PCDH9: variants seen among roughly 807,000 people sequenced by gnomAD.
The protein encoded by PCDH9 is protocadherin 9, also known as protocadherin-9.
Under a neutral mutation model 70.6 loss-of-function variants are expected in PCDH9, and 24 were observed. That is an observed-to-expected ratio of 0.34 (90% CI 0.25 to 0.48). The LOEUF (loss-of-function observed/expected upper bound fraction) is 0.48, where lower values mean the gene tolerates loss of function less well. Among genes scored for constraint, PCDH9 ranks in the 20% least tolerant of loss-of-function variants. The pLI, the probability that PCDH9 is intolerant of heterozygous loss-of-function variation, is 0.99. For missense variants in PCDH9, 1,281 were observed against 1,503.6 expected, an observed-to-expected ratio of 0.85 and a Z score of 2.45; for synonymous variants, 562 against 558.5, an observed-to-expected ratio of 1.01 and a Z score of -0.09.
intron 2 of PCDH9, among the ~76,000 whole-genome samples, chr13:67,138,301 C>T (rs529697530): frequency 6.6e-6 from 1 of 152,238 alleles, no homozygotes; most frequent in African/African-American, 2.4e-5. Context: ...TTATCTAGCA[C>T]ACCATAAGCA....
intron 2 of PCDH9, among the ~76,000 whole-genome samples, chr13:66,922,935 T>G (rs891333000): frequency 6.6e-6 from 1 of 151,428 alleles, no homozygotes; most frequent in African/African-American, 2.4e-5. Flanking sequence ...CCAATACACT[T>G]TAGAAGTGTG....
At position 66,808,763 on chromosome 13, in the gene PCDH9, G is replaced by A. The variant is rs1413914179; in HGVS notation, c.3138+94741C>T. 2.0e-5 allele frequency among the ~76,000 whole-genome samples: 3 copies of A among 152,232 alleles called. No homozygotes were observed. The East Asian group carries it at 5.8e-4, about 29-fold the overall frequency. ...ATACTATTAGTCATTGTTACTTAAT[G>A]TGCAGACCCTAACCCAGTTGCCGCA... On this transcript the variant is annotated intron_variant, in intron 3 of 4. Coordinates refer to ENST00000377865, the MANE Select transcript of PCDH9 (RefSeq NM_203487.3).
At chr13:66,920,355 T>C (rs546991186) in intron 2 of PCDH9, among the ~76,000 whole-genome samples, 98 of 151,218 alleles carry the variant, frequency 6.5e-4, no homozygotes, top group African/African-American at 2.3e-3. Context: ...AGGACCCTTA[T>C]CACAACTTTC....
intron 2 of PCDH9, among the ~76,000 whole-genome samples, chr13:66,908,407 T>C (rs2082400392): frequency 6.6e-6 from 1 of 152,198 alleles, no homozygotes; most frequent in African/African-American, 2.4e-5. Flanking sequence ...ACTGAGTACT[T>C]CCTCAGAAAG....
chr13:66,830,677 A>G (rs2080910031), intron 3 of PCDH9, among the ~76,000 whole-genome samples: 1 of 152,182 alleles, frequency 6.6e-6, no homozygotes, highest in Non-Finnish European at 1.5e-5. Context: ...TTCAACATGC[A>G]TTAATTTTAG....
chr13:66,759,009 C>CT lies in PCDH9; in HGVS notation c.3139-127599dup, dbSNP rs540130083. ...CTCTGATTTTATGTATATGAATCAT[C>CT]TTTTTTTTCTTAGTGTAGTTAAAGA... On this transcript the variant is annotated intron_variant, in intron 3 of 4. Transcript: ENST00000377865. Among the ~76,000 whole-genome samples the CT allele has an allele frequency of 9.3e-3, 1,419 of 151,868 alleles. 45 individuals are homozygous for CT. The South Asian group carries it at 0.11, about 12-fold the overall frequency.
chr13:67,115,302 A>G (rs2086738000), intron 2 of PCDH9, among the ~76,000 whole-genome samples: 1 of 152,168 alleles, frequency 6.6e-6, no homozygotes, highest in African/African-American at 2.4e-5. Flanking sequence ...CTGGTCACAT[A>G]TCTTTGTGAA....
At chr13:66,847,708 A>T (rs893993203) in intron 3 of PCDH9, among the ~76,000 whole-genome samples, 2 of 152,186 alleles carry the variant, frequency 1.3e-5, no homozygotes, top group Non-Finnish European at 2.9e-5. Context: ...ATTCAGTAAA[A>T]TAAAAGTTAC....
intron 2 of PCDH9, among the ~76,000 whole-genome samples, chr13:67,103,423 C>T (rs1380060230): frequency 3.3e-5 from 5 of 152,118 alleles, no homozygotes; most frequent in East Asian, 3.9e-4. Context: ...TTTGTTTACA[C>T]GTAACAATCA....
chr13:67,201,611 G>A (rs1255008732), intron 2 of PCDH9: 1 of 151,826 alleles, frequency 6.6e-6, no homozygotes, highest in Non-Finnish European at 1.5e-5. Flanking sequence ...TTTCTAAAAT[G>A]TATCACCTAG....
intron 4 of PCDH9, among the ~76,000 whole-genome samples, chr13:66,498,774 A>G (rs1273388875): frequency 6.6e-6 from 1 of 152,114 alleles, no homozygotes. Flanking sequence ...CGTAATACCT[A>G]AAGGACAGAG....
At chr13:66,879,729 GA>G (rs963350024) in intron 3 of PCDH9, among the ~76,000 whole-genome samples, 8 of 151,560 alleles carry the variant, frequency 5.3e-5, no homozygotes, top group Non-Finnish European at 1.2e-4. Flanking sequence ...GTAGAGATAT[GA>G]AAAAAAATGA....
intron 4 of PCDH9, among the ~76,000 whole-genome samples, chr13:66,529,167 G>C (rs1239903016): frequency 6.6e-6 from 1 of 152,104 alleles, no homozygotes; most frequent in South Asian, 2.1e-4. Flanking sequence ...GCACATAAAG[G>C]CCTCTGGGAA....
chr13:66,880,895 T>C (rs760724149), intron 3 of PCDH9, among the ~76,000 whole-genome samples: 12 of 152,212 alleles, frequency 7.9e-5, no homozygotes, highest in African/African-American at 2.4e-4. Flanking sequence ...GTGGTAACAA[T>C]TGCAGGTTCT....
chr13:66,676,748 T>C (rs532197185), intron 3 of PCDH9, among the ~76,000 whole-genome samples: 8 of 152,254 alleles, frequency 5.3e-5, no homozygotes, highest in Admixed American at 1.3e-4. Flanking sequence ...CAATTGTGTA[T>C]TTAAATGTAC....
intron 3 of PCDH9, among the ~76,000 whole-genome samples, chr13:66,835,789 C>T (rs1455887255): frequency 6.6e-6 from 1 of 152,060 alleles, no homozygotes; most frequent in African/African-American, 2.4e-5. Context: ...GAGAGGACTG[C>T]TTTTAATTTG....
rs117575839 is a variant in PCDH9, at chr13:66,634,505, A to G, written c.3139-3094T>C. 4.2e-3 allele frequency among the ~76,000 whole-genome samples: 634 copies of G among 152,286 alleles called. 19 individuals are homozygous for G. The East Asian group carries it at 0.08, about 19-fold the overall frequency. ...GCTCAGGTTGAACTGCAGAGCACCAATTTAAAAAGAAGCCAGAACCAGACC... is the reference window on the plus strand; with the variant it reads ...GCTCAGGTTGAACTGCAGAGCACCAGTTTAAAAAGAAGCCAGAACCAGACC... On this transcript the variant is annotated intron_variant, in intron 3 of 4. Transcript: ENST00000377865.
intron 4 of PCDH9, among the ~76,000 whole-genome samples, chr13:66,521,477 A>G (rs1959981097): frequency 6.6e-6 from 1 of 152,200 alleles, no homozygotes; most frequent in South Asian, 2.1e-4. Context: ...AGATCCTATC[A>G]TAGGTAGCTA....
chr13:67,050,093 C>T (rs2085294453), intron 2 of PCDH9, among the ~76,000 whole-genome samples: 1 of 152,122 alleles, frequency 6.6e-6, no homozygotes, highest in South Asian at 2.1e-4. Flanking sequence ...CAGAATGACA[C>T]AACATAATGA....
Sources: gnomAD v4.1 joint callset for allele counts (sites outside exome capture counted in the v4.1 genomes callset) on GRCh38, gnomAD v4.1.1 for gene constraint, MANE v1.5 for transcripts, NCBI Gene and HGNC (gene_info 2026-07-23, HGNC 2026-07-21) for gene names.